PIP4K2A: variants seen among roughly 807,000 people sequenced by gnomAD.
PIP4K2A encodes the protein phosphatidylinositol-5-phosphate 4-kinase type 2 alpha, also known as phosphatidylinositol 5-phosphate 4-kinase type-2 alpha.
In PIP4K2A, 14 loss-of-function variants were observed where a neutral mutation model predicts 42.9. That is an observed-to-expected ratio of 0.33 (90% CI 0.22 to 0.51). The LOEUF (loss-of-function observed/expected upper bound fraction) is 0.51. PIP4K2A is among the 20% of genes least tolerant of loss of function. The pLI is 0.97. For missense variants in PIP4K2A, 434 were observed against 519.8 expected (o/e 0.83, Z 1.61); for synonymous variants, 192 against 192.2 (o/e 1.00, Z 0.01).
intron 4 of PIP4K2A, among the ~76,000 whole-genome samples, chr10:22,575,278 T>C (rs948895604): frequency 6.6e-6 from 1 of 152,212 alleles, no homozygotes; most frequent in East Asian, 1.9e-4. Flanking sequence ...AGACATGTAC[T>C]GAGTGGGGTC....
chr10:22,544,329 G>A (rs1259382328), intron 7 of PIP4K2A, among the ~76,000 whole-genome samples: 1 of 152,016 alleles, frequency 6.6e-6, no homozygotes, highest in African/African-American at 2.4e-5. Context: ...GGTGGGGGTG[G>A]GGGTGCTTAT....
intron 1 of PIP4K2A, among the ~76,000 whole-genome samples, chr10:22,652,059 C>T (rs1390965671): frequency 6.6e-6 from 1 of 152,046 alleles, no homozygotes; most frequent in African/African-American, 2.4e-5. Context: ...GTAACTGATA[C>T]AGTGCTTAAT....
At chr10:22,686,639 A>T (rs1839770182) in intron 1 of PIP4K2A, among the ~76,000 whole-genome samples, 2 of 152,058 alleles carry the variant, frequency 1.3e-5, no homozygotes, top group South Asian at 4.1e-4. Context: ...TAGTTAAAAA[A>T]ATTTTTTTTT....
chr10:22,646,933 AAAAACAAAACAAAAC>A (rs760225095), intron 1 of PIP4K2A, among the ~76,000 whole-genome samples: 2 of 82,424 alleles, frequency 2.4e-5, no homozygotes, highest in Non-Finnish European at 6.1e-5. Context: ...AAACAAAACA[AAAAACAAAACAAAAC>A]AAAACAAAAC....
intron 1 of PIP4K2A, among the ~76,000 whole-genome samples, chr10:22,704,959 C>T (rs941095637): frequency 6.6e-6 from 1 of 152,156 alleles, no homozygotes; most frequent in East Asian, 1.9e-4. Flanking sequence ...CCAGGCAGGG[C>T]AGCCCCTCCA....
At chr10:22,543,489 G>A (rs1836180688) in intron 7 of PIP4K2A, among the ~76,000 whole-genome samples, 1 of 152,196 alleles carries the variant, frequency 6.6e-6, no homozygotes, top group Admixed American at 6.5e-5. Flanking sequence ...AAACAGCATG[G>A]GGCTCCTGCG....
chr10:22,633,225 A>G (rs1176249643), intron 1 of PIP4K2A, among the ~76,000 whole-genome samples: 1 of 152,234 alleles, frequency 6.6e-6, no homozygotes, highest in East Asian at 1.9e-4. Context: ...ATGGCTCTCA[A>G]CTGCCTCTTG....
At chr10:22,620,058 A>C (rs1237067570) in intron 1 of PIP4K2A, among the ~76,000 whole-genome samples, 1 of 152,224 alleles carries the variant, frequency 6.6e-6, no homozygotes, top group Non-Finnish European at 1.5e-5. Flanking sequence ...TACTTGACTA[A>C]AATTAAAATG....
rs1221613854 is a variant in PIP4K2A, at chr10:22,535,630, GT to G, written c.*1570del. 6.5e-6 allele frequency: 1 copy of G among 152,862 alleles called. No individual in the cohort carries two copies. Among genetic ancestry groups the G allele is most frequent in the Non-Finnish European group, 1.5e-5 (1 of 68,576 alleles). The allele number at this position is 152,862 out of a possible 1,614,324, so 9.5% of individuals were successfully genotyped here. ...AAACTGCCCACAAAAATCATATCAT[GT>G]TTTAAACAAGGAGTTTCAAAGGCAT... On this transcript the variant is annotated 3_prime_UTR_variant, in exon 10 of 10. Coordinates refer to ENST00000376573, the MANE Select transcript of PIP4K2A (RefSeq NM_005028.5).
At chr10:22,662,786 G>A (rs1839227829) in intron 1 of PIP4K2A, among the ~76,000 whole-genome samples, 1 of 152,176 alleles carries the variant, frequency 6.6e-6, no homozygotes, top group Non-Finnish European at 1.5e-5. Context: ...CCGCCACAAT[G>A]GTGAGGACAC....
chr10:22,561,745 G>T (rs1325648834), intron 6 of PIP4K2A, among the ~76,000 whole-genome samples: 2 of 151,604 alleles, frequency 1.3e-5, no homozygotes, highest in Non-Finnish European at 2.9e-5. Flanking sequence ...TGAATTGTTT[G>T]TAGAGTTGGG....
chr10:22,578,188 A>T (rs1837168227), intron 4 of PIP4K2A, among the ~76,000 whole-genome samples: 1 of 152,232 alleles, frequency 6.6e-6, no homozygotes, highest in African/African-American at 2.4e-5. Flanking sequence ...ATAAAAAGTA[A>T]AAAGAAACAC....
intron 9 of PIP4K2A, among the ~76,000 whole-genome samples, chr10:22,539,172 G>A (rs976134115): frequency 6.6e-6 from 1 of 152,184 alleles, no homozygotes; most frequent in Admixed American, 6.5e-5. Flanking sequence ...GCAAGGGGAT[G>A]AGCATGAACA....
intron 4 of PIP4K2A, among the ~76,000 whole-genome samples, chr10:22,575,880 G>T (rs546356809): frequency 4.4e-4 from 67 of 152,034 alleles, no homozygotes; most frequent in Non-Finnish European, 7.8e-4. Context: ...GGAGGTTTCA[G>T]TGAGCCGAGA....
intron 1 of PIP4K2A, among the ~76,000 whole-genome samples, chr10:22,625,987 T>A (rs2130757048): frequency 6.6e-6 from 1 of 152,262 alleles, no homozygotes; most frequent in East Asian, 1.9e-4. Context: ...CAATGTCACC[T>A]ACACAATGGA....
chr10:22,563,393 G>A (rs1193314593), intron 6 of PIP4K2A, among the ~76,000 whole-genome samples: 2 of 152,116 alleles, frequency 1.3e-5, no homozygotes, highest in Non-Finnish European at 2.9e-5. Flanking sequence ...AAGTATGAGC[G>A]AAAATGCTCA....
intron 7 of PIP4K2A, among the ~76,000 whole-genome samples, chr10:22,549,749 G>A (rs1230531935): frequency 2.0e-5 from 3 of 147,472 alleles, no homozygotes; most frequent in Non-Finnish European, 4.5e-5. Context: ...GCTGAGGCGG[G>A]AGAATGGCGT....
intron 1 of PIP4K2A, among the ~76,000 whole-genome samples, chr10:22,657,587 G>C (rs1460810095): frequency 6.6e-6 from 1 of 152,176 alleles, no homozygotes; most frequent in Admixed American, 6.5e-5. Flanking sequence ...GAAAAAAACA[G>C]GCTGAAACCA....
Position 22,593,624 on chromosome 10 carries a change from A to C in PIP4K2A, c.340-1843T>G, listed in dbSNP as rs555585779. Reference sequence around the variant, plus strand: ...TGTGGGGTTTTAAATGCTAGCCCCCAAAAAGCAATTATTGCTCTTTGTTAG... The same window carrying C: ...TGTGGGGTTTTAAATGCTAGCCCCCCAAAAGCAATTATTGCTCTTTGTTAG... On this transcript the variant is annotated intron_variant, in intron 3 of 9. Transcript: ENST00000376573. 2.1e-4 allele frequency among the ~76,000 whole-genome samples: 32 copies of C among 152,366 alleles called. No individual in the cohort carries two copies. The South Asian group carries it at 5.4e-3, about 26-fold the overall frequency.
Sources: gnomAD v4.1 joint callset for allele counts (sites outside exome capture counted in the v4.1 genomes callset) on GRCh38, gnomAD v4.1.1 for gene constraint, MANE v1.5 for transcripts, NCBI Gene and HGNC (gene_info 2026-07-23, HGNC 2026-07-21) for gene names.